Variants in MAP3K1 observed in about 807,000 individuals in gnomAD.
MAP3K1 encodes the protein mitogen-activated protein kinase kinase kinase 1, also known as MAP/ERK kinase kinase 1.
A neutral mutation model predicts 144.2 loss-of-function variants in MAP3K1; 36 were observed. The ratio of observed to expected loss-of-function variants is 0.25; its 90% CI spans 0.19 to 0.33. MAP3K1 has a LOEUF of 0.33. Among genes scored for constraint, MAP3K1 ranks in the 10% least tolerant of loss-of-function variants. MAP3K1 has a pLI of 1.00. For missense variants in MAP3K1, 1,650 were observed against 1,881.9 expected, an observed-to-expected ratio of 0.88 and a Z score of 2.28; for synonymous variants, 718 against 688.7, an observed-to-expected ratio of 1.04 and a Z score of -0.67.
intron 1 of MAP3K1, among the ~76,000 whole-genome samples, chr5:56,818,004 C>T (rs574706181): frequency 6.4e-4 from 98 of 152,070 alleles, no homozygotes; most frequent in African/African-American, 2.3e-3. Flanking sequence ...TATAATTGCA[C>T]AGTATAAGAA....
intron 2 of MAP3K1, among the ~76,000 whole-genome samples, chr5:56,857,278 G>A (rs1747371095): frequency 6.6e-6 from 1 of 151,896 alleles, no homozygotes; most frequent in South Asian, 2.1e-4. Context: ...AGACCTATGG[G>A]GATTAAGATA....
chr5:56,816,992 C>A, intron 1 of MAP3K1: 2 of 839,990 alleles, frequency 2.4e-6, no homozygotes, highest in Non-Finnish European at 2.9e-6. Flanking sequence ...GGGACTGCGG[C>A]GCGGGTGCAG....
intron 6 of MAP3K1, among the ~76,000 whole-genome samples, chr5:56,867,552 A>G (rs1260355236): frequency 6.6e-6 from 1 of 152,214 alleles, no homozygotes; most frequent in Admixed American, 6.5e-5. Flanking sequence ...CTGTTCAGTC[A>G]ACCTAATAAC....
chr5:56,872,574 A>G, intron 7 of MAP3K1, 67 bp from the exon 8 acceptor site: 1 of 899,872 alleles, frequency 1.1e-6, no homozygotes, highest in Non-Finnish European at 1.8e-6. Flanking sequence ...AATTATAAAC[A>G]GTTATGAAAT....
intron 18 of MAP3K1, 118 bp downstream of exon 18, chr5:56,887,638 C>T: frequency 9.3e-7 from 1 of 1,074,918 alleles, no homozygotes. Flanking sequence ...AAGTCCGTGG[C>T]CCTTAAAATA....
chr5:56,855,240 T>A (rs551915034), intron 1 of MAP3K1, among the ~76,000 whole-genome samples: 1 of 152,168 alleles, frequency 6.6e-6, no homozygotes, highest in Non-Finnish European at 1.5e-5. Flanking sequence ...AATATTTATA[T>A]TTTATAATCA....
intron 18 of MAP3K1, 70 bp from the exon 19 acceptor site, chr5:56,888,156 C>A: frequency 7.1e-7 from 1 of 1,410,598 alleles, no homozygotes; most frequent in Non-Finnish European, 1.0e-6. Context: ...GAAGTAGAAT[C>A]TATAACTACA....
chr5:56,886,145 T>C (rs900723593), intron 17 of MAP3K1, 82 bp downstream of exon 17: 9 of 1,129,396 alleles, frequency 8.0e-6, no homozygotes, highest in Non-Finnish European at 1.1e-5. Flanking sequence ...GGCTCACACC[T>C]GTAATCCCAG....
At chr5:56,879,191 T>C (rs1748129858) in intron 11 of MAP3K1, 90 bp downstream of exon 11, 2 of 1,407,262 alleles carry the variant, frequency 1.4e-6, no homozygotes, top group Non-Finnish European at 2.0e-6. Context: ...ATCTGATACA[T>C]TTTATTAAAT....
rs879493029 is a variant in MAP3K1 at position 56,882,921 on chromosome 5, ACTC to A, written c.3666+56_3666+58del. 975 of 1,388,378 alleles carry A rather than the reference ACTC, an allele frequency of 7.0e-4. 5 individuals carry two copies. The highest frequency in any genetic ancestry group is 6.1e-3 in the Middle Eastern group (34 of 5,616). The allele number at this position is 1,388,378 out of a possible 1,614,324, so 86.0% of individuals were successfully genotyped here. A position where few individuals can be genotyped will look rare whatever the true frequency, so the allele number is the denominator to read the frequency against. ...AACTTCCTTGGGGCTGGGCACAGTG[ACTC>A]ATACCTGGAATTCCAGCACTTGGGG... On this transcript the variant is annotated intron_variant, in intron 14 of 19. Transcript: ENST00000399503.
At chr5:56,880,563 T>C (rs923266394) in intron 11 of MAP3K1, 148 bp from the exon 12 acceptor site, 4 of 695,698 alleles carry the variant, frequency 5.7e-6, no homozygotes, top group African/African-American at 3.5e-5. Context: ...TATGGTGACA[T>C]TGTTAATATG....
chr5:56,840,389 C>T (rs1005896266), intron 1 of MAP3K1, among the ~76,000 whole-genome samples: 1 of 152,170 alleles, frequency 6.6e-6, no homozygotes, highest in Non-Finnish European at 1.5e-5. Flanking sequence ...TTGAGGTGTT[C>T]TACCCGCCTC....
At chr5:56,863,016 C>T (rs1379068343) in intron 3 of MAP3K1, among the ~76,000 whole-genome samples, 1 of 152,196 alleles carries the variant, frequency 6.6e-6, no homozygotes, top group South Asian at 2.1e-4. Flanking sequence ...TGTTTCTACA[C>T]CTGGAAATGA....
In MAP3K1 at chr5:56,864,904, C is replaced by G. The variant is rs370732565; in HGVS notation, c.1005C>G (p.Asp335Glu). Reference sequence around the variant, plus strand: ...TCCTGATTGGAGGAGACAGCCCAGACAATAAATACCGGGTGTTTATTGGGC... The same window carrying G: ...TCCTGATTGGAGGAGACAGCCCAGAGAATAAATACCGGGTGTTTATTGGGC... Reference protein sequence around the residue: ...NSFLIGGDSPDNKYRVFIGPQ... With the variant: ...NSFLIGGDSPENKYRVFIGPQ... Residue 335 changes from aspartate to glutamate, a missense_variant, in exon 4 of 20, where the codon GAC becomes GAG. Around this residue, in one of 6 missense-constraint regions of MAP3K1, gnomAD observed 11 missense variants for 40.6 expected, o/e 0.27. Coordinates refer to ENST00000399503, the MANE Select transcript of MAP3K1 (RefSeq NM_005921.2). The G allele has an allele frequency of 1.9e-5, 31 of 1,613,918 alleles. No individual in the cohort carries two copies. The highest frequency in any genetic ancestry group is 1.5e-5 in the Non-Finnish European group (18 of 1,179,998).
At position 56,889,524 on chromosome 5, in the gene MAP3K1, TC is replaced by T. The variant is rs1193890984; in HGVS notation, c.4389+1169del. 2.6e-4 allele frequency among the ~76,000 whole-genome samples: 40 copies of T among 152,154 alleles called. 1 individual carries two copies. Among genetic ancestry groups the T allele is most frequent in the Admixed American group, 2.6e-3 (40 of 15,266 alleles). ...AAGTCAGTTCAGTCCTGTCTGCCTTTCCTACTTTTTTATAACTCACAAATCC... is the reference window on the plus strand; with the variant it reads ...AAGTCAGTTCAGTCCTGTCTGCCTTTCTACTTTTTTATAACTCACAAATCC... On this transcript the variant is annotated intron_variant, in intron 19 of 19. Transcript: ENST00000399503.
At position 56,846,560 on chromosome 5, in the gene MAP3K1, A is replaced by G. The variant is rs568721545; in HGVS notation, c.483-10040A>G. Among the ~76,000 whole-genome samples the G allele has an allele frequency of 5.9e-4, 90 of 152,272 alleles. 1 individual carries two copies. Among genetic ancestry groups the G allele is most frequent in the Admixed American group, 1.4e-3 (22 of 15,298 alleles). On this transcript the variant is annotated intron_variant, in intron 1 of 19. Coordinates refer to ENST00000399503, the MANE Select transcript of MAP3K1 (RefSeq NM_005921.2). ...CCAAGTTAACTTGCTTACTAACTTG[A>G]TTTGTCTTATCTCTTTTAGATTTAT... is the stretch of plus-strand genomic sequence containing the variant.
intron 2 of MAP3K1, among the ~76,000 whole-genome samples, chr5:56,858,974 G>T (rs984146513): frequency 6.6e-6 from 1 of 150,576 alleles, no homozygotes; most frequent in Non-Finnish European, 1.5e-5. Flanking sequence ...AGCAGTGGGA[G>T]AAAGTCCAGA....
intron 18 of MAP3K1, 181 bp from the exon 19 acceptor site, chr5:56,888,045 A>G (rs1238385440): frequency 1.6e-6 from 1 of 626,712 alleles, no homozygotes; most frequent in Non-Finnish European, 2.8e-6. Context: ...TCTCCAAAAT[A>G]TTTTTGTGCT....
intron 17 of MAP3K1, among the ~76,000 whole-genome samples, chr5:56,887,078 CAA>C (rs1748398998): frequency 1.3e-5 from 2 of 152,252 alleles, no homozygotes; most frequent in African/African-American, 2.4e-5. Flanking sequence ...TTATTTTTCT[CAA>C]GAGCAAATTT....
Sources: allele counts gnomAD v4.1 joint callset (sites outside exome capture counted in the v4.1 genomes callset), GRCh38; gene constraint gnomAD v4.1.1; regional missense constraint gnomAD v4.1.1; transcripts MANE v1.5; gene names NCBI Gene and HGNC (gene_info 2026-07-23, HGNC 2026-07-21).